Variants in PTPRT observed in about 807,000 individuals in gnomAD.
PTPRT encodes receptor-type tyrosine-protein phosphatase T.
A neutral mutation model predicts 176.8 loss-of-function variants in PTPRT; 56 were observed. That is an observed-to-expected ratio of 0.32 (90% confidence interval 0.26 to 0.40). The LOEUF (loss-of-function observed/expected upper bound fraction) is 0.40. Ranked by LOEUF, PTPRT falls within the 10% of genes least tolerant of loss-of-function variation. The pLI is 1.00. For synonymous variants in PTPRT, 783 were observed against 739.0 expected (o/e 1.06, Z -0.96); for missense variants, 1,540 against 1,908.2 (o/e 0.81, Z 3.60).
intron 1 of PTPRT, among the ~76,000 whole-genome samples, chr20:43,079,493 C>T (rs868640501): frequency 3.9e-5 from 6 of 152,034 alleles, no homozygotes; most frequent in South Asian, 4.1e-4. Flanking sequence ...GTAATGAATA[C>T]CATATCTACA....
At chr20:42,070,026 G>T (rs1160819664), downstream of PTPRT, among the ~76,000 whole-genome samples, 1 of 152,150 alleles carries the variant, frequency 6.6e-6, no homozygotes, top group East Asian at 1.9e-4. Context: ...GAGTCTCGTT[G>T]CATATCCTAA....
At chr20:42,292,178 T>A (rs1424275137) in intron 12 of PTPRT, among the ~76,000 whole-genome samples, 1 of 152,154 alleles carries the variant, frequency 6.6e-6, no homozygotes, top group African/African-American at 2.4e-5. Context: ...GTTGGGTCCT[T>A]AGTCTAGCCT....
chr20:42,726,499 C>T (rs1404801687), intron 6 of PTPRT, among the ~76,000 whole-genome samples: 1 of 152,234 alleles, frequency 6.6e-6, no homozygotes, highest in Non-Finnish European at 1.5e-5. Flanking sequence ...TTACCTGCAG[C>T]AATGTTGCCT....
At chr20:42,102,521 G>T (rs1986043380) in intron 25 of PTPRT, among the ~76,000 whole-genome samples, 1 of 152,198 alleles carries the variant, frequency 6.6e-6, no homozygotes, top group South Asian at 2.1e-4. Context: ...AAACGCCAAG[G>T]CTGCAGAAGC....
At chr20:42,366,031 T>G (rs2145581852) in intron 9 of PTPRT, among the ~76,000 whole-genome samples, 1 of 152,328 alleles carries the variant, frequency 6.6e-6, no homozygotes, top group South Asian at 2.1e-4. Context: ...TGCCCATGAC[T>G]TCCCTCCTGC....
intron 6 of PTPRT, among the ~76,000 whole-genome samples, chr20:42,738,330 G>A (rs2076566357): frequency 6.6e-6 from 1 of 152,024 alleles, no homozygotes; most frequent in African/African-American, 2.4e-5. Context: ...TGGCCAACAT[G>A]GAGAAACTGA....
At chr20:42,490,192 T>A (rs2071537326) in intron 7 of PTPRT, among the ~76,000 whole-genome samples, 2 of 152,326 alleles carry the variant, frequency 1.3e-5, no homozygotes, top group South Asian at 4.1e-4. Flanking sequence ...GTGTTTTTAA[T>A]CCCTCCTTGA....
At position 42,147,261 on chromosome 20, in the gene PTPRT, G is replaced by T. The variant is rs191869564; in HGVS notation, c.2683-5259C>A. Among the ~76,000 whole-genome samples, 393 of 152,260 alleles carry T rather than the reference G, an allele frequency of 2.6e-3. 1 individual carries two copies. The highest frequency in any genetic ancestry group is 9.3e-3 in the African/African-American group (386 of 41,570). On this transcript the variant is annotated intron_variant, in intron 17 of 30. Coordinates refer to ENST00000373187, the MANE Select transcript of PTPRT (RefSeq NM_007050.6). ...ATGAGGTGGCTTCTGTGCTTTCAGA[G>T]GGCAAATATCCTGGGATCTTAGAGG...
chr20:43,065,981 C>T (rs1016395498), intron 1 of PTPRT, among the ~76,000 whole-genome samples: 10 of 152,168 alleles, frequency 6.6e-5, no homozygotes, highest in African/African-American at 2.4e-4. Flanking sequence ...ACTCCCAGTC[C>T]ACCTTGTCAG....
intron 6 of PTPRT, among the ~76,000 whole-genome samples, chr20:42,709,386 T>C (rs552675185): frequency 1.3e-5 from 2 of 152,300 alleles, no homozygotes; most frequent in African/African-American, 4.8e-5. Flanking sequence ...TAAGTTCACA[T>C]AGATCTGGTT....
chr20:42,553,044 A>T (rs957431467), intron 7 of PTPRT, among the ~76,000 whole-genome samples: 1 of 152,268 alleles, frequency 6.6e-6, no homozygotes, highest in African/African-American at 2.4e-5. Flanking sequence ...CTAAAATTTC[A>T]AAATGTGAAT....
intron 9 of PTPRT, among the ~76,000 whole-genome samples, chr20:42,393,492 C>G (rs1323449239): frequency 1.3e-5 from 2 of 151,674 alleles, no homozygotes; most frequent in Non-Finnish European, 2.9e-5. Context: ...CTTCCCCACT[C>G]AGATTACAGT....
intron 1 of PTPRT, among the ~76,000 whole-genome samples, chr20:43,130,789 A>C (rs1341430632): frequency 6.7e-6 from 1 of 149,386 alleles, no homozygotes; most frequent in African/African-American, 2.5e-5. Context: ...ATGTAACAAG[A>C]TTTGGTGAAA....
chr20:42,904,106 G>A (rs2079443562), intron 1 of PTPRT, among the ~76,000 whole-genome samples: 1 of 152,126 alleles, frequency 6.6e-6, no homozygotes, highest in Admixed American at 6.5e-5. Context: ...CTGATGCCCG[G>A]GAGTTCATGT....
At chr20:43,050,141 G>C (rs1020132315) in intron 1 of PTPRT, among the ~76,000 whole-genome samples, 1 of 152,282 alleles carries the variant, frequency 6.6e-6, no homozygotes. Flanking sequence ...CCAAGGAAGG[G>C]AACATGCAGC....
chr20:43,126,049 C>A (rs2013425004), intron 1 of PTPRT, among the ~76,000 whole-genome samples: 1 of 152,124 alleles, frequency 6.6e-6, no homozygotes. Context: ...TTGTGTATTG[C>A]TTAAAGATGA....
intron 11 of PTPRT, among the ~76,000 whole-genome samples, chr20:42,339,669 T>C (rs1050806428): frequency 7.2e-5 from 11 of 152,204 alleles, no homozygotes; most frequent in African/African-American, 2.7e-4. Context: ...AAAATGCAGA[T>C]TCTCAGGCAT....
chr20:42,345,637 C>T (rs1241754478), intron 11 of PTPRT, among the ~76,000 whole-genome samples: 1 of 146,982 alleles, frequency 6.8e-6, no homozygotes, highest in Admixed American at 6.8e-5. Context: ...TGTATGATGC[C>T]AGACACTATC....
At chr20:42,346,496 A>C (rs1265361819) in intron 11 of PTPRT, among the ~76,000 whole-genome samples, 1 of 152,174 alleles carries the variant, frequency 6.6e-6, no homozygotes, top group Non-Finnish European at 1.5e-5. Context: ...AAAAACCAAT[A>C]AATCTTTGAA....
Sources: allele counts gnomAD v4.1 joint callset (sites outside exome capture counted in the v4.1 genomes callset), GRCh38; gene constraint gnomAD v4.1.1; transcripts MANE v1.5; gene names NCBI Gene and HGNC (gene_info 2026-07-23, HGNC 2026-07-21).